Variants in ZMYND8 observed in about 807,000 individuals in gnomAD.
The protein encoded by ZMYND8 is zinc finger MYND-type containing 8, also known as MYND-type zinc finger-containing chromatin reader ZMYND8.
A neutral mutation model predicts 140.8 loss-of-function variants in ZMYND8; 37 were observed. That is an observed-to-expected ratio of 0.26 (90% CI 0.20 to 0.35). ZMYND8 has a LOEUF of 0.35. Ranked by LOEUF, ZMYND8 falls within the 10% of genes least tolerant of loss-of-function variation. The pLI, the probability that ZMYND8 is intolerant of heterozygous loss-of-function variation, is 1.00. For missense variants in ZMYND8, 1,068 were observed against 1,570.0 expected (o/e 0.68, Z 5.40); for synonymous variants, 592 against 597.1 (o/e 0.99, Z 0.12).
Position 47,238,802 on chromosome 20 carries a change from T to C in ZMYND8, c.2621A>G (p.Gln874Arg). The C allele has an allele frequency of 6.2e-7, 1 of 1,613,104 alleles. No individual in the cohort carries two copies. Among genetic ancestry groups the C allele is most frequent in the Non-Finnish European group, 8.5e-7 (1 of 1,180,012 alleles). ...CTGATATCTCGTCCCCTGGGAAGAC[T>C]GAGGCTGCTGCTGCTGGTTTTGCTG... is the stretch of plus-strand genomic sequence containing the variant. ...QQQQNQQQQP[Q>R]SSQGTRYQTR... Residue 874 changes from glutamine to arginine, a missense_variant, in exon 15 of 23, where the codon CAG (glutamine) becomes CGG (arginine). Physicochemically the swap from Gln to Arg is conservative, Grantham distance 43 (BLOSUM62 1). Around this residue, in one of 10 missense-constraint regions of ZMYND8, gnomAD observed 383 missense variants for 431.2 expected, o/e 0.89. Transcript: ENST00000471951.
At chr20:47,222,277 T>C (rs2037085617) in intron 19 of ZMYND8, among the ~76,000 whole-genome samples, 1 of 152,240 alleles carries the variant, frequency 6.6e-6, no homozygotes, top group African/African-American at 2.4e-5. Flanking sequence ...GGCTCATGCC[T>C]GTAATCCCAG....
At chr20:47,281,254 C>T (rs906314215) in intron 10 of ZMYND8, among the ~76,000 whole-genome samples, 11 of 152,314 alleles carry the variant, frequency 7.2e-5, no homozygotes, top group Admixed American at 2.6e-4. Context: ...TGGGAATTCA[C>T]TCTTTTGGTC....
intron 14 of ZMYND8, among the ~76,000 whole-genome samples, chr20:47,239,514 C>G (rs1484418528): frequency 6.6e-6 from 1 of 152,216 alleles, no homozygotes; most frequent in Non-Finnish European, 1.5e-5. Context: ...AAGTTAAAAT[C>G]TAGTCGGCAC....
At chr20:47,330,997 A>G (rs1315716904) in intron 2 of ZMYND8, among the ~76,000 whole-genome samples, 1 of 152,244 alleles carries the variant, frequency 6.6e-6, no homozygotes, top group East Asian at 1.9e-4. Flanking sequence ...GGTATGGGCA[A>G]AGGCCCTGAG....
At chr20:47,258,617 CTGATA>C (rs1336011639) in intron 12 of ZMYND8, among the ~76,000 whole-genome samples, 1 of 152,136 alleles carries the variant, frequency 6.6e-6, no homozygotes, top group Non-Finnish European at 1.5e-5. Context: ...TCTGCCTTTT[CTGATA>C]TATTTTTTAA....
At chr20:47,297,551 A>G (rs558851217) in intron 4 of ZMYND8, among the ~76,000 whole-genome samples, 3 of 152,172 alleles carry the variant, frequency 2.0e-5, no homozygotes, top group South Asian at 4.1e-4. Context: ...CCTCCCAAGT[A>G]GCTGGGACTA....
chr20:47,240,290 G>A (rs1274496475), intron 14 of ZMYND8, among the ~76,000 whole-genome samples: 2 of 151,946 alleles, frequency 1.3e-5, no homozygotes, highest in Admixed American at 1.3e-4. Context: ...TGAGGTGGGC[G>A]GATCACTTGT....
At chr20:47,280,379 C>A (rs563342314) in intron 10 of ZMYND8, among the ~76,000 whole-genome samples, 5 of 152,152 alleles carry the variant, frequency 3.3e-5, no homozygotes, top group Non-Finnish European at 4.4e-5. Context: ...GGGCCAGCTT[C>A]CACGACAGCT....
chr20:47,311,795 A>G (rs1456787867), intron 2 of ZMYND8, among the ~76,000 whole-genome samples: 1 of 151,244 alleles, frequency 6.6e-6, no homozygotes, highest in East Asian at 2.0e-4. Context: ...GCTTGAACCC[A>G]GGAGGCAGAG....
intron 12 of ZMYND8, among the ~76,000 whole-genome samples, chr20:47,255,822 A>ATG (rs1569009554): frequency 7.8e-6 from 1 of 128,130 alleles, no homozygotes; most frequent in Non-Finnish European, 1.7e-5. Flanking sequence ...ATATATTTGT[A>ATG]TGTATATATA....
chr20:47,241,606 G>T (rs113354397), intron 14 of ZMYND8, among the ~76,000 whole-genome samples: 1 of 152,014 alleles, frequency 6.6e-6, no homozygotes, highest in Non-Finnish European at 1.5e-5. Flanking sequence ...TGAGCAGCAC[G>T]TAGAGGCGAT....
rs537328729 is a variant in ZMYND8, at chr20:47,254,944, C to T, written c.1622-5505G>A. ...GAGTTTGAGACAAGCCTGGCCAACA[C>T]GGTGAAACCCCGTCTCTACTAAAAC... is the stretch of plus-strand genomic sequence containing the variant. On this transcript the variant is annotated intron_variant, in intron 12 of 22. Transcript: ENST00000471951. 2.1e-3 allele frequency among the ~76,000 whole-genome samples: 326 copies of T among 152,086 alleles called. 1 individual carries two copies. Among genetic ancestry groups the T allele is most frequent in the African/African-American group, 7.6e-3 (315 of 41,462 alleles).
At chr20:47,230,517 C>G (rs1467813672) in intron 16 of ZMYND8, among the ~76,000 whole-genome samples, 1 of 152,050 alleles carries the variant, frequency 6.6e-6, no homozygotes. Flanking sequence ...TGGTCTTGAA[C>G]TCCCGACCTC....
chr20:47,294,175 C>T (rs1328245382), intron 5 of ZMYND8, among the ~76,000 whole-genome samples: 2 of 149,696 alleles, frequency 1.3e-5, no homozygotes, highest in Non-Finnish European at 3.0e-5. Context: ...TGGTGAAACC[C>T]CATCTCTACT....
intron 2 of ZMYND8, among the ~76,000 whole-genome samples, chr20:47,333,358 T>C (rs2081107714): frequency 6.6e-6 from 1 of 151,070 alleles, no homozygotes; most frequent in Admixed American, 6.6e-5. Flanking sequence ...AGGCAGCACT[T>C]TGAGAGACTG....
chr20:47,212,776 C>T (rs374465390), intron 21 of ZMYND8, 51 bp from the exon 22 acceptor site: 83 of 1,510,786 alleles, frequency 5.5e-5, no homozygotes, highest in Middle Eastern at 1.7e-4. Flanking sequence ...GCTGGAATTC[C>T]GCACAACCCC....
chr20:47,347,976 C>A, intron 1 of ZMYND8, 50 bp from the exon 2 acceptor site: 1 of 1,581,130 alleles, frequency 6.3e-7, no homozygotes, highest in South Asian at 1.1e-5. Context: ...AGAACTTGCC[C>A]CATGGGGGCA....
chr20:47,289,225 A>T (rs1490969803), intron 7 of ZMYND8, among the ~76,000 whole-genome samples: 1 of 152,254 alleles, frequency 6.6e-6, no homozygotes, highest in Non-Finnish European at 1.5e-5. Context: ...ACCACTGATC[A>T]TTAGGAAAAG....
chr20:47,308,340 T>A (rs2078663764), intron 3 of ZMYND8, among the ~76,000 whole-genome samples: 1 of 150,118 alleles, frequency 6.7e-6, no homozygotes, highest in Non-Finnish European at 1.5e-5. Context: ...TGCCTCAGCC[T>A]CCCGAGTAGC....
Sources: gnomAD v4.1 joint callset for allele counts (sites outside exome capture counted in the v4.1 genomes callset) on GRCh38, gnomAD v4.1.1 for gene constraint, gnomAD v4.1.1 regional missense constraint, MANE v1.5 for transcripts, NCBI Gene and HGNC (gene_info 2026-07-23, HGNC 2026-07-21) for gene names.